C3orf20: variants seen among roughly 807,000 people sequenced by gnomAD.
The protein encoded by C3orf20 is uncharacterized protein C3orf20.
In C3orf20, 76 loss-of-function variants were observed where a neutral mutation model predicts 88.3. That is an observed-to-expected ratio of 0.86 (90% CI 0.72 to 1.04). C3orf20 has a LOEUF of 1.04. C3orf20 is among the 50% of genes least tolerant of loss of function. C3orf20 has a pLI of 0.00. For missense variants in C3orf20, 1,056 were observed against 1,123.3 expected, an observed-to-expected ratio of 0.94 and a Z score of 0.86; for synonymous variants, 436 against 437.4, an observed-to-expected ratio of 1.00 and a Z score of 0.04.
intron 3 of C3orf20, among the ~76,000 whole-genome samples, chr3:14,683,875 CAAAAA>C (rs966127219): frequency 9.6e-5 from 8 of 83,216 alleles, no homozygotes; most frequent in Non-Finnish European, 1.6e-4. Flanking sequence ...GACTCCATCT[CAAAAA>C]AAAAAAAAAA....
intron 12 of C3orf20, among the ~76,000 whole-genome samples, chr3:14,741,539 T>C (rs1182255101): frequency 6.6e-6 from 1 of 152,250 alleles, no homozygotes; most frequent in Non-Finnish European, 1.5e-5. Flanking sequence ...TGTTGAACTT[T>C]CTGTGTTTTC....
At chr3:14,722,029 A>C in intron 10 of C3orf20, 1 of 463,806 alleles carries the variant, frequency 2.2e-6, no homozygotes, top group Middle Eastern at 5.9e-4. Context: ...AGCATGAAAA[A>C]AGAATATAGT....
intron 12 of C3orf20, among the ~76,000 whole-genome samples, chr3:14,729,280 T>C: frequency 6.6e-6 from 1 of 152,070 alleles, no homozygotes; most frequent in Non-Finnish European, 1.5e-5. Context: ...GAGATTATAC[T>C]GAAACCCAGA....
At chr3:14,766,171 C>T (rs527280180) in intron 15 of C3orf20, among the ~76,000 whole-genome samples, 1 of 152,354 alleles carries the variant, frequency 6.6e-6, no homozygotes, top group African/African-American at 2.4e-5. Flanking sequence ...CTGTCCCCCA[C>T]TCAGCCTGTG....
rs906577842 is a variant in C3orf20 at position 14,721,964 on chromosome 3, T to C, written c.1566+180T>C. 1.7e-5 allele frequency: 12 copies of C among 693,608 alleles called. No homozygotes were observed. The African/African-American group carries it at 2.0e-4, about 11-fold the overall frequency. The allele number at this position is 693,608 out of a possible 1,614,324, so 43.0% of individuals were successfully genotyped here. A position where few individuals can be genotyped will look rare whatever the true frequency, so the allele number is the denominator to read the frequency against. On this transcript the variant is annotated intron_variant, in intron 10 of 16. Transcript: ENST00000253697. ...TACCACCTTCCTGTGAAACTTCTTA[T>C]ATCAATTAAGGGTCTTCCAGTTGTA...
In C3orf20 at chr3:14,757,823, G is replaced by A. The variant is rs537965321; in HGVS notation, c.2244+149G>A. On this transcript the variant is annotated intron_variant, in intron 13 of 16. Transcript: ENST00000253697. The stretch of plus-strand genomic sequence containing the variant: ...TCCTTTCTCCTTGGAGTCTTTGTGT[G>A]TACTCTCCTGTCTGCAGTGTCCTCC... The A allele has an allele frequency of 7.6e-5, 53 of 699,858 alleles. 1 individual carries two copies. In the South Asian group the frequency reaches 8.8e-4, roughly 12 times the overall value. 43.4% of individuals were successfully genotyped at this position (699,858 alleles called of 1,614,324 possible).
chr3:14,746,980 A>G (rs1235873279), intron 12 of C3orf20, among the ~76,000 whole-genome samples: 2 of 152,214 alleles, frequency 1.3e-5, no homozygotes, highest in Non-Finnish European at 2.9e-5. Flanking sequence ...TCAAAGGACA[A>G]TGGGGGAACT....
At chr3:14,765,598 T>C (rs1411155243) in intron 15 of C3orf20, 6 of 152,444 alleles carry the variant, frequency 3.9e-5, no homozygotes, top group Non-Finnish European at 8.8e-5. Context: ...GACTTGGCTT[T>C]GCACAAGTGT....
intron 7 of C3orf20, among the ~76,000 whole-genome samples, chr3:14,713,221 C>A (rs971533576): frequency 1.3e-5 from 2 of 152,094 alleles, no homozygotes; most frequent in Non-Finnish European, 2.9e-5. Flanking sequence ...AGTTTTCAGC[C>A]ATTATTTCTT....
intron 12 of C3orf20, among the ~76,000 whole-genome samples, chr3:14,749,536 T>G (rs1644175633): frequency 6.6e-6 from 1 of 151,164 alleles, no homozygotes; most frequent in Admixed American, 6.6e-5. Context: ...GGATTACAGT[T>G]GGATTTGCAT....
intron 12 of C3orf20, among the ~76,000 whole-genome samples, chr3:14,732,189 T>A (rs576176336): frequency 6.6e-6 from 1 of 152,364 alleles, no homozygotes; most frequent in Admixed American, 6.5e-5. Flanking sequence ...TGCCATCTGA[T>A]AGACATGTGG....
chr3:14,744,812 G>C (rs2035014829), intron 12 of C3orf20, among the ~76,000 whole-genome samples: 1 of 152,140 alleles, frequency 6.6e-6, no homozygotes. Context: ...GGAAAGACCA[G>C]CCCACGTGAT....
chr3:14,741,551 GAGA>G (rs760893879), intron 12 of C3orf20, among the ~76,000 whole-genome samples: 9 of 152,210 alleles, frequency 5.9e-5, no homozygotes, highest in Non-Finnish European at 1.2e-4. Context: ...TGTGTTTTCT[GAGA>G]AGGAGGATTG....
Position 14,768,299 on chromosome 3 carries a change from C to T in C3orf20, c.2496-3768C>T, listed in dbSNP as rs901925469. On this transcript the variant is annotated intron_variant, in intron 15 of 16. Coordinates refer to ENST00000253697, the MANE Select transcript of C3orf20 (RefSeq NM_032137.5). The surrounding 1 kb of genome is among the most constrained non-coding windows in gnomAD (Gnocchi z 4.1). The stretch of plus-strand genomic sequence containing the variant: ...GGATGGAGCTGTGGAGAGCAGGCCC[C>T]GTGCTCAGCAAGGAGCCAGCCACCG... 6.6e-5 allele frequency among the ~76,000 whole-genome samples: 10 copies of T among 151,980 alleles called. No homozygotes were observed. The highest frequency in any genetic ancestry group is 5.2e-4 in the Admixed American group (8 of 15,278).
At chr3:14,765,163 G>A (rs955423695) in intron 15 of C3orf20, 1 of 152,262 alleles carries the variant, frequency 6.6e-6, no homozygotes, top group African/African-American at 2.4e-5. Flanking sequence ...GCAGCCTAAA[G>A]GGCAGGCCTC....
At chr3:14,702,270 G>A (rs1369244164) in intron 5 of C3orf20, among the ~76,000 whole-genome samples, 2 of 151,966 alleles carry the variant, frequency 1.3e-5, no homozygotes, top group African/African-American at 2.4e-5. Flanking sequence ...TCACTATCAC[G>A]AGAATAGCAC....
Position 14,704,391 on chromosome 3 carries a change from A to T in C3orf20, c.933A>T (p.Leu311Phe), listed in dbSNP as rs772820995. Residue 311 changes from leucine (L) to phenylalanine (F), a missense_variant, in exon 7 of 17, where the codon TTA (leucine) becomes TTT (phenylalanine). Leu to Phe is a conservative substitution (Grantham distance 22, BLOSUM62 0). Coordinates refer to ENST00000253697, the MANE Select transcript of C3orf20 (RefSeq NM_032137.5). The stretch of plus-strand genomic sequence containing the variant: ...GGAATATCTCCTACCCCATGATCTT[A>T]CGAAACTACAAGGCAAAGATGCCCT... ...KGRNISYPMI[L>F]RNYKAKMPSH... 9.9e-6 allele frequency: 16 copies of T among 1,614,028 alleles called. No individual in the cohort carries two copies. The Admixed American group carries it at 1.2e-4, about 12-fold the overall frequency.
chr3:14,714,219 G>C, intron 8 of C3orf20, 60 bp downstream of exon 8: 7 of 1,575,826 alleles, frequency 4.4e-6, no homozygotes, highest in Non-Finnish European at 6.1e-6. Flanking sequence ...ATGGAGGGAG[G>C]ACTGAGGTGG....
At chr3:14,683,892 AAAAG>A (rs1205553241) in intron 3 of C3orf20, among the ~76,000 whole-genome samples, 2 of 151,696 alleles carry the variant, frequency 1.3e-5, no homozygotes, top group East Asian at 3.9e-4. Context: ...AAAAAAAAAA[AAAAG>A]AACCGGGGTC....
Sources: allele counts gnomAD v4.1 joint callset (sites outside exome capture counted in the v4.1 genomes callset), GRCh38; gene constraint gnomAD v4.1.1; non-coding constraint Gnocchi (gnomAD v3.1); transcripts MANE v1.5; gene names NCBI Gene and HGNC (gene_info 2026-07-23, HGNC 2026-07-21).